The following SCEL variants were observed in gnomAD, a reference collection of about 807,000 sequenced individuals.
The protein encoded by SCEL is sciellin.
A neutral mutation model predicts 117.6 loss-of-function variants in SCEL; 113 were observed. The observed-to-expected ratio is 0.96, with a 90% CI of 0.83 to 1.12. SCEL has a LOEUF of 1.12. Among genes scored for constraint, SCEL ranks in the 50% most tolerant of loss-of-function variants. The pLI is 0.00. For synonymous variants in SCEL, 270 were observed against 256.2 expected (o/e 1.05, Z -0.51); for missense variants, 785 against 810.8 (o/e 0.97, Z 0.39).
chr13:77,550,387 A>AATATATATATATATATATATATATT (rs2084240336), intron 1 of SCEL, among the ~76,000 whole-genome samples: 3 of 144,504 alleles, frequency 2.1e-5, no homozygotes, highest in East Asian at 2.0e-4. Context: ...CTTTGTCTAA[A>AATATATATATATATATATATATATT]ATATATATAT....
chr13:77,608,632 G>C (rs1392136506), intron 20 of SCEL, among the ~76,000 whole-genome samples: 1 of 152,100 alleles, frequency 6.6e-6, no homozygotes, highest in Admixed American at 6.6e-5. Flanking sequence ...TTTGTCACTT[G>C]ATAGTTGTTA....
intron 4 of SCEL, among the ~76,000 whole-genome samples, chr13:77,560,540 C>G (rs1928516): frequency 0.025 from 3,774 of 152,284 alleles, 159 homozygotes; most frequent in East Asian, 0.13. Context: ...AGTTCACTTG[C>G]TTTATGGGAC....
At chr13:77,601,375 C>T (rs2087673953) in intron 15 of SCEL, among the ~76,000 whole-genome samples, 2 of 151,934 alleles carry the variant, frequency 1.3e-5, no homozygotes, top group South Asian at 4.1e-4. Flanking sequence ...TTTTCTTCTT[C>T]CCTTCCTTCT....
chr13:77,553,448 A>G (rs1426845992), intron 1 of SCEL, among the ~76,000 whole-genome samples: 1 of 151,316 alleles, frequency 6.6e-6, no homozygotes, highest in East Asian at 1.9e-4. Context: ...AAAAAAAAAT[A>G]TATCAGAGCC....
At chr13:77,592,824 C>G (rs568262540) in intron 11 of SCEL, among the ~76,000 whole-genome samples, 9 of 152,110 alleles carry the variant, frequency 5.9e-5, no homozygotes, top group African/African-American at 2.2e-4. Context: ...CTTGGCCTCC[C>G]AAAGTTCTGG....
intron 1 of SCEL, among the ~76,000 whole-genome samples, chr13:77,544,822 G>C (rs542825235): frequency 6.6e-6 from 1 of 152,208 alleles, no homozygotes; most frequent in East Asian, 1.9e-4. Context: ...TACGAAAGTT[G>C]ATTGATTTCA....
chr13:77,626,373 G>T (rs2089731133), intron 27 of SCEL, among the ~76,000 whole-genome samples: 1 of 152,094 alleles, frequency 6.6e-6, no homozygotes, highest in Admixed American at 6.6e-5. Flanking sequence ...ATATCATTGT[G>T]CCATGAATTT....
chr13:77,607,922 C>A, intron 19 of SCEL, 134 bp from the exon 20 acceptor site: 1 of 588,444 alleles, frequency 1.7e-6, no homozygotes, highest in South Asian at 2.7e-5. Context: ...AATCTTCAGT[C>A]TTCAACTCCT....
At chr13:77,604,743 G>C (rs1317541891) in intron 19 of SCEL, among the ~76,000 whole-genome samples, 1 of 152,178 alleles carries the variant, frequency 6.6e-6, no homozygotes, top group Non-Finnish European at 1.5e-5. Context: ...TATATAAGTA[G>C]TGTGTTTATA....
intron 1 of SCEL, among the ~76,000 whole-genome samples, chr13:77,547,507 A>C (rs2084058504): frequency 6.6e-6 from 1 of 152,294 alleles, no homozygotes. Flanking sequence ...CTATGCAATT[A>C]ACTCAGTGCC....
Position 77,547,914 on chromosome 13 carries a change from A to G in SCEL, c.-19-7943A>G, listed in dbSNP as rs574172952. Among the ~76,000 whole-genome samples, 3 of 152,308 alleles carry G rather than the reference A, an allele frequency of 2.0e-5. No individual in the cohort carries two copies. The East Asian group carries it at 5.8e-4, about 29-fold the overall frequency. On this transcript the variant is annotated intron_variant, in intron 1 of 32. Coordinates refer to ENST00000349847, the MANE Select transcript of SCEL (RefSeq NM_144777.3). Reference sequence around the variant, plus strand: ...AGAACCTCTGGGATGCTCCCTAGGAACAGTTTCCAGTAAACCCACTTTCTT... The same window carrying G: ...AGAACCTCTGGGATGCTCCCTAGGAGCAGTTTCCAGTAAACCCACTTTCTT...
chr13:77,600,256 G>A (rs2087567193), intron 15 of SCEL, among the ~76,000 whole-genome samples: 1 of 152,094 alleles, frequency 6.6e-6, no homozygotes, highest in Non-Finnish European at 1.5e-5. Context: ...AGCCTTCCGA[G>A]TAGCTGGGAT....
intron 3 of SCEL, among the ~76,000 whole-genome samples, chr13:77,559,217 G>A (rs61965768): frequency 5.7e-4 from 87 of 152,236 alleles, no homozygotes; most frequent in Admixed American, 1.4e-3. Flanking sequence ...CAGTGTCTTC[G>A]CTGCCTAATT....
intron 31 of SCEL, 85 bp downstream of exon 31, chr13:77,640,869 T>C (rs2090527179): frequency 8.9e-6 from 6 of 676,922 alleles, no homozygotes; most frequent in Admixed American, 3.1e-5. Flanking sequence ...ATACATGAGA[T>C]GAAGCAAAAA....
intron 1 of SCEL, among the ~76,000 whole-genome samples, chr13:77,548,397 GA>G (rs2084112873): frequency 6.6e-6 from 1 of 152,202 alleles, no homozygotes; most frequent in Non-Finnish European, 1.5e-5. Flanking sequence ...CTAGTAGAGA[GA>G]AAGATCCTGA....
At chr13:77,573,637 A>ACATC (rs1029832305) in intron 9 of SCEL, among the ~76,000 whole-genome samples, 1 of 141,778 alleles carries the variant, frequency 7.1e-6, no homozygotes, top group African/African-American at 2.7e-5. Flanking sequence ...ATCTGTCATT[A>ACATC]CATCTATCTA....
At chr13:77,536,492 G>A (rs1363403124) in intron 1 of SCEL, among the ~76,000 whole-genome samples, 11 of 152,130 alleles carry the variant, frequency 7.2e-5, no homozygotes, top group Admixed American at 2.6e-4. Flanking sequence ...CTTCTCTATG[G>A]TATATTCTGC....
At chr13:77,604,113 T>C (rs553585223) in intron 18 of SCEL, among the ~76,000 whole-genome samples, 29 of 152,290 alleles carry the variant, frequency 1.9e-4, no homozygotes, top group African/African-American at 5.8e-4. Flanking sequence ...ACAAGTTTCA[T>C]ATATACTTAG....
intron 4 of SCEL, among the ~76,000 whole-genome samples, chr13:77,561,340 A>G (rs2084966182): frequency 6.6e-6 from 1 of 152,226 alleles, no homozygotes; most frequent in Non-Finnish European, 1.5e-5. Context: ...TTTAAATTGT[A>G]TTCGTTTCCT....
Sources: allele counts gnomAD v4.1 joint callset (sites outside exome capture counted in the v4.1 genomes callset), GRCh38; gene constraint gnomAD v4.1.1; transcripts MANE v1.5; gene names NCBI Gene and HGNC (gene_info 2026-07-23, HGNC 2026-07-21).